The following ATXN7L1 variants were observed in gnomAD, a reference collection of about 807,000 sequenced individuals.
ATXN7L1 encodes the protein ataxin-7-like protein 1.
ATXN7L1 carries 15 observed loss-of-function variants against 70.8 expected under a neutral mutation model. The observed-to-expected ratio is 0.21, with a 90% CI of 0.14 to 0.33. ATXN7L1 has a LOEUF of 0.33. Ranked by LOEUF, ATXN7L1 falls within the 10% of genes least tolerant of loss-of-function variation. The pLI is 1.00. For synonymous variants in ATXN7L1, 440 were observed against 445.1 expected, an observed-to-expected ratio of 0.99 and a Z score of 0.14; for missense variants, 975 against 1,097.1, an observed-to-expected ratio of 0.89 and a Z score of 1.57.
chr7:105,702,433 G>A (rs950012118), intron 3 of ATXN7L1, among the ~76,000 whole-genome samples: 3 of 152,126 alleles, frequency 2.0e-5, no homozygotes, highest in African/African-American at 4.8e-5. Context: ...AAAAGGGGGT[G>A]CTAAATGGAT....
chr7:105,726,149 G>A (rs1795794234), intron 3 of ATXN7L1, among the ~76,000 whole-genome samples: 1 of 152,164 alleles, frequency 6.6e-6, no homozygotes, highest in Non-Finnish European at 1.5e-5. Flanking sequence ...TGATCCGCCT[G>A]CCTTGGCCTC....
At chr7:105,713,901 T>C (rs112105508) in intron 3 of ATXN7L1, among the ~76,000 whole-genome samples, 3 of 152,326 alleles carry the variant, frequency 2.0e-5, no homozygotes, top group African/African-American at 7.2e-5. Flanking sequence ...AGCACCTCAC[T>C]CTCTCTCAGA....
intron 5 of ATXN7L1, among the ~76,000 whole-genome samples, chr7:105,640,841 G>A (rs1445320348): frequency 6.6e-6 from 1 of 152,246 alleles, no homozygotes; most frequent in African/African-American, 2.4e-5. Context: ...CTGCAGAGCA[G>A]GAATGACACA....
At chr7:105,632,501 G>T (rs890371532) in intron 7 of ATXN7L1, among the ~76,000 whole-genome samples, 17 of 152,106 alleles carry the variant, frequency 1.1e-4, no homozygotes, top group African/African-American at 3.9e-4. Flanking sequence ...AAGAAAGAAA[G>T]AATAAAGACA....
chr7:105,671,104 C>CAAAAAAAAAAAAAAAAAAAAAA (rs71155469), intron 3 of ATXN7L1, among the ~76,000 whole-genome samples: 1 of 89,706 alleles, frequency 1.1e-5, no homozygotes, highest in African/African-American at 4.1e-5. Flanking sequence ...GACTACGTCT[C>CAAAAAAAAAAAAAAAAAAAAAA]AAAAAAAAAA....
At chr7:105,791,493 G>A (rs1453339460) in intron 2 of ATXN7L1, among the ~76,000 whole-genome samples, 1 of 152,188 alleles carries the variant, frequency 6.6e-6, no homozygotes, top group Non-Finnish European at 1.5e-5. Context: ...TAGAGCCGCG[G>A]AGATGACCCT....
chr7:105,803,690 T>G lies in ATXN7L1; in HGVS notation c.251-14982A>C, dbSNP rs529419635. ...CTGGAAATTCTGGATATGCTTCCAT[T>G]GCAAGAATCTGCATTTTGGAACAAA... On this transcript the variant is annotated intron_variant, in intron 2 of 11. Transcript: ENST00000419735. Among the ~76,000 whole-genome samples the G allele has an allele frequency of 7.9e-5, 12 of 152,348 alleles. No individual in the cohort carries two copies. The South Asian group carries it at 2.5e-3, about 32-fold the overall frequency.
At chr7:105,616,616 G>A (rs1022948817) in intron 9 of ATXN7L1, among the ~76,000 whole-genome samples, 8 of 152,212 alleles carry the variant, frequency 5.3e-5, no homozygotes, top group South Asian at 2.1e-4. Context: ...TGAATGAATG[G>A]ATGGATGAAT....
chr7:105,614,693 G>A lies in ATXN7L1; in HGVS notation c.1641C>T (p.Pro547=). The A allele has an allele frequency of 6.4e-7, 1 of 1,551,744 alleles. No individual in the cohort carries two copies. The highest frequency in any genetic ancestry group is 2.4e-5 in the East Asian group (1 of 40,920). The change falls in exon 10 of 12, where the codon CCC becomes CCT. Residue 547 remains proline (P), a synonymous_variant. Transcript: ENST00000419735. This position sits in a 1 kb window ranked among gnomAD's most constrained non-coding sequence, Gnocchi z 4.3. ...NPSAVYLPSA[P]ISSRLTSSYI... is the part of the protein sequence containing the mutation. ...AAGAAGAGGTGAGCCTCGAGCTGATGGGAGCTGAAGGAAGATACACAGCAC... is the reference window on the plus strand; with the variant it reads ...AAGAAGAGGTGAGCCTCGAGCTGATAGGAGCTGAAGGAAGATACACAGCAC...
At chr7:105,828,081 T>C (rs1393650565) in intron 2 of ATXN7L1, among the ~76,000 whole-genome samples, 1 of 151,952 alleles carries the variant, frequency 6.6e-6, no homozygotes, top group Non-Finnish European at 1.5e-5. Context: ...CCCTATTTGA[T>C]AGATGAGAAA....
chr7:105,628,011 A>G (rs1343441988), intron 7 of ATXN7L1, among the ~76,000 whole-genome samples: 1 of 150,180 alleles, frequency 6.7e-6, no homozygotes, highest in African/African-American at 2.5e-5. Flanking sequence ...TGCCCGGCTA[A>G]TTTTTGTATT....
At chr7:105,741,005 C>G (rs1055910240) in intron 3 of ATXN7L1, among the ~76,000 whole-genome samples, 4 of 152,046 alleles carry the variant, frequency 2.6e-5, no homozygotes, top group African/African-American at 9.7e-5. Flanking sequence ...ACCTCGTGAT[C>G]TGCCCGCCTC....
intron 2 of ATXN7L1, among the ~76,000 whole-genome samples, chr7:105,861,088 G>C (rs1042918799): frequency 6.6e-6 from 1 of 152,166 alleles, no homozygotes; most frequent in Non-Finnish European, 1.5e-5. Context: ...TGAGGGGCAA[G>C]GGGAAGGGGA....
In ATXN7L1 at chr7:105,665,263, T is replaced by C. The variant is rs1342719102; in HGVS notation, c.381A>G (p.Arg127=). ...CTGGAGACACTGGAGAGGGAGAAGG[T>C]CTACACATTGAACCGTGTCTTCTCT... ...HCERRHGSMC[R]PSPSPVSPAS... is the part of the protein sequence containing the mutation. The change falls in exon 4 of 12, where the codon AGA becomes AGG. Residue 127 remains arginine (R), a synonymous_variant. Transcript: ENST00000419735. 6.4e-7 allele frequency: 1 copy of C among 1,551,504 alleles called. No individual in the cohort carries two copies. Among genetic ancestry groups the C allele is most frequent in the Admixed American group, 2.0e-5 (1 of 50,990 alleles).
intron 2 of ATXN7L1, among the ~76,000 whole-genome samples, chr7:105,874,917 C>T (rs1212857766): frequency 6.6e-6 from 1 of 152,208 alleles, no homozygotes; most frequent in Non-Finnish European, 1.5e-5. Flanking sequence ...ATACCACCAA[C>T]CTCTTCTGTC....
intron 3 of ATXN7L1, among the ~76,000 whole-genome samples, chr7:105,711,676 C>T (rs979726675): frequency 2.6e-5 from 4 of 152,224 alleles, no homozygotes; most frequent in African/African-American, 9.6e-5. Context: ...GCAGCTCTGC[C>T]CTGGTGACTC....
chr7:105,613,007 C>A (rs1289845210), intron 10 of ATXN7L1, among the ~76,000 whole-genome samples: 1 of 152,154 alleles, frequency 6.6e-6, no homozygotes, highest in South Asian at 2.1e-4. Context: ...ACCTGGCTCC[C>A]CAGAGAATCC....
intron 4 of ATXN7L1, among the ~76,000 whole-genome samples, chr7:105,647,390 G>A (rs1799203841): frequency 6.6e-6 from 1 of 152,254 alleles, no homozygotes; most frequent in Non-Finnish European, 1.5e-5. Flanking sequence ...ACTCACGCCA[G>A]TAATCCCAGC....
At chr7:105,845,770 T>C (rs940108410) in intron 2 of ATXN7L1, among the ~76,000 whole-genome samples, 1 of 152,148 alleles carries the variant, frequency 6.6e-6, no homozygotes, top group Non-Finnish European at 1.5e-5. Flanking sequence ...CTGATCTTCA[T>C]CAAGAGTTCC....
Sources: gnomAD v4.1 joint callset for allele counts (sites outside exome capture counted in the v4.1 genomes callset) on GRCh38, gnomAD v4.1.1 for gene constraint, Gnocchi (gnomAD v3.1) non-coding constraint, MANE v1.5 for transcripts, NCBI Gene and HGNC (gene_info 2026-07-23, HGNC 2026-07-21) for gene names.